Variants in MYO3B observed in about 807,000 individuals in gnomAD.
MYO3B encodes the protein myosin-IIIb.
Under a neutral mutation model 174.6 loss-of-function variants are expected in MYO3B, and 156 were observed. The observed-to-expected ratio is 0.89, with a 90% CI of 0.78 to 1.02. MYO3B has a LOEUF of 1.02. Among genes scored for constraint, MYO3B ranks in the 50% least tolerant of loss-of-function variants. The pLI is 0.00. For synonymous variants in MYO3B, 563 were observed against 569.1 expected (o/e 0.99, Z 0.15); for missense variants, 1,632 against 1,639.4 (o/e 1.00, Z 0.08).
At chr2:170,465,891 T>G (rs1684593286) in intron 24 of MYO3B, among the ~76,000 whole-genome samples, 1 of 152,160 alleles carries the variant, frequency 6.6e-6, no homozygotes, top group Non-Finnish European at 1.5e-5. Context: ...GAGGAACAAC[T>G]GAGGCCCTCC....
At chr2:170,368,551 A>G (rs180720637) in intron 8 of MYO3B, among the ~76,000 whole-genome samples, 57 of 152,346 alleles carry the variant, frequency 3.7e-4, no homozygotes, top group Admixed American at 9.8e-4. Flanking sequence ...ATTTTAACCA[A>G]TTAACCACAG....
intron 32 of MYO3B, among the ~76,000 whole-genome samples, chr2:170,609,356 C>T (rs888599330): frequency 6.6e-6 from 1 of 152,096 alleles, no homozygotes; most frequent in African/African-American, 2.4e-5. Flanking sequence ...CTTCAGGAAT[C>T]GCCATACATT....
At chr2:170,290,838 A>G (rs1574726296) in intron 7 of MYO3B, among the ~76,000 whole-genome samples, 1 of 151,666 alleles carries the variant, frequency 6.6e-6, no homozygotes, top group Non-Finnish European at 1.5e-5. Flanking sequence ...TGAATCTATT[A>G]TAGGCATTCA....
At chr2:170,198,396 T>C (rs1302492385) in intron 1 of MYO3B, among the ~76,000 whole-genome samples, 1 of 152,188 alleles carries the variant, frequency 6.6e-6, no homozygotes, top group Non-Finnish European at 1.5e-5. Context: ...TCACAGAGCT[T>C]TGTAGTGATG....
At chr2:170,341,776 A>C (rs2093978294) in intron 8 of MYO3B, among the ~76,000 whole-genome samples, 1 of 152,200 alleles carries the variant, frequency 6.6e-6, no homozygotes, top group Admixed American at 6.5e-5. Flanking sequence ...TGAGAAGAAC[A>C]AATAAAGCTA....
chr2:170,180,011 C>A (rs939598788), intron 1 of MYO3B: 1 of 197,408 alleles, frequency 5.1e-6, no homozygotes, highest in African/African-American at 2.3e-5. Context: ...ACTATAACAT[C>A]TAGAAAAAAT....
chr2:170,232,602 C>T (rs2093026909), intron 6 of MYO3B, among the ~76,000 whole-genome samples: 1 of 152,234 alleles, frequency 6.6e-6, no homozygotes. Context: ...TTCTCCCTGC[C>T]TGGGTTCAAA....
intron 7 of MYO3B, among the ~76,000 whole-genome samples, chr2:170,283,566 G>A (rs1574713437): frequency 6.6e-6 from 1 of 152,124 alleles, no homozygotes; most frequent in East Asian, 1.9e-4. Context: ...GCTCTTAACT[G>A]TGGTTATGGG....
At chr2:170,309,455 C>G (rs1031716314) in intron 7 of MYO3B, among the ~76,000 whole-genome samples, 4 of 152,188 alleles carry the variant, frequency 2.6e-5, no homozygotes, top group African/African-American at 4.8e-5. Context: ...TTAACTCTAA[C>G]TTATCTTTTC....
intron 8 of MYO3B, among the ~76,000 whole-genome samples, chr2:170,367,753 A>G (rs771518823): frequency 6.6e-6 from 1 of 152,230 alleles, no homozygotes. Context: ...AGACATGAAC[A>G]CAGTCTTCTT....
At chr2:170,631,017 C>G (rs1418028552) in intron 32 of MYO3B, among the ~76,000 whole-genome samples, 1 of 152,216 alleles carries the variant, frequency 6.6e-6, no homozygotes, top group Non-Finnish European at 1.5e-5. Context: ...AGGAACGCAG[C>G]TCCTTGCCAG....
At chr2:170,638,838 A>C (rs1697735324) in intron 32 of MYO3B, among the ~76,000 whole-genome samples, 1 of 152,220 alleles carries the variant, frequency 6.6e-6, no homozygotes, top group South Asian at 2.1e-4. Flanking sequence ...CACATAAAAC[A>C]TGGCAGCAGA....
intron 32 of MYO3B, among the ~76,000 whole-genome samples, chr2:170,548,595 A>G (rs1176241324): frequency 6.6e-6 from 1 of 152,198 alleles, no homozygotes; most frequent in East Asian, 1.9e-4. Flanking sequence ...TTGAGAACCA[A>G]CTAGACATCA....
At position 170,186,423 on chromosome 2, in the gene MYO3B, T is replaced by C. The variant is rs188568587; in HGVS notation, c.2+8134T>C. 1.2e-3 allele frequency among the ~76,000 whole-genome samples: 187 copies of C among 152,358 alleles called. 1 individual carries two copies. In the South Asian group the frequency reaches 0.022, roughly 18 times the overall value. ...CATTCTGTTGATATGATGTATCACA[T>C]TGATTGATTTGCATATGTTGAACCA... On this transcript the variant is annotated intron_variant, in intron 1 of 34. Transcript: ENST00000408978.
At chr2:170,213,563 G>A (rs145732050) in intron 3 of MYO3B, among the ~76,000 whole-genome samples, 1 of 152,296 alleles carries the variant, frequency 6.6e-6, no homozygotes, top group East Asian at 1.9e-4. Context: ...CCTAGGCACC[G>A]GGCTACCTGC....
chr2:170,183,333 C>A (rs1001972232), intron 1 of MYO3B, among the ~76,000 whole-genome samples: 5 of 152,074 alleles, frequency 3.3e-5, no homozygotes, highest in African/African-American at 1.2e-4. Context: ...TCTATCCAAG[C>A]ATAAGGTATA....
At chr2:170,402,714 G>C in intron 18 of MYO3B, 134 bp from the exon 19 acceptor site, 1 of 680,292 alleles carries the variant, frequency 1.5e-6, no homozygotes, top group East Asian at 2.9e-5. Context: ...TTTTCTTAGG[G>C]GTGGCAGGAT....
chr2:170,287,796 C>T (rs976141562), intron 7 of MYO3B, among the ~76,000 whole-genome samples: 3 of 151,828 alleles, frequency 2.0e-5, no homozygotes, highest in Non-Finnish European at 4.4e-5. Flanking sequence ...AAAAACTTTG[C>T]CCAGATTAAT....
intron 22 of MYO3B, 129 bp downstream of exon 22, chr2:170,407,973 G>A (rs1471967229): frequency 2.3e-5 from 25 of 1,075,732 alleles, no homozygotes; most frequent in African/African-American, 1.9e-4. Flanking sequence ...AGGAGTAAGG[G>A]TCTAAATTCA....
Sources: gnomAD v4.1 joint callset for allele counts (sites outside exome capture counted in the v4.1 genomes callset) on GRCh38, gnomAD v4.1.1 for gene constraint, MANE v1.5 for transcripts, NCBI Gene and HGNC (gene_info 2026-07-23, HGNC 2026-07-21) for gene names.